Variants in MYL11 observed in about 807,000 individuals in gnomAD.
MYL11 encodes myosin regulatory light chain 11.
the MYL11 span, among the ~76,000 whole-genome samples, chr16:30,374,337 GGGTCTCA>G: frequency 6.6e-6 from 1 of 151,788 alleles, no homozygotes; most frequent in Non-Finnish European, 1.5e-5. Flanking sequence ...AGGGAGACAG[GGGTCTCA>G]CTATGTTGCC....
chr16:30,376,165 G>C, the MYL11 span: 2 of 1,614,036 alleles, frequency 1.2e-6, no homozygotes, highest in Non-Finnish European at 1.7e-6. Context: ...TGATCGACCA[G>C]AACCGTGATG....
At chr16:30,377,331 C>T in the MYL11 span, among the ~76,000 whole-genome samples, 1 of 152,096 alleles carries the variant, frequency 6.6e-6, no homozygotes, top group Non-Finnish European at 1.5e-5. Flanking sequence ...TGCAGTGAGC[C>T]GTGATCAAAC....
At chr16:30,377,412 G>A in the MYL11 span, among the ~76,000 whole-genome samples, 7 of 152,074 alleles carry the variant, frequency 4.6e-5, no homozygotes, top group Admixed American at 3.9e-4. Context: ...AAATTCCTAC[G>A]AAGGGTTAGG....
At chr16:30,376,064 C>A in the MYL11 span, 2 of 1,532,358 alleles carry the variant, frequency 1.3e-6, no homozygotes, top group South Asian at 1.2e-5. Context: ...TGGCTGAGAG[C>A]CAGCATCTGA....
the MYL11 span, chr16:30,377,467 G>GTT: frequency 1.9e-6 from 1 of 516,288 alleles, no homozygotes; most frequent in Non-Finnish European, 3.3e-6. Context: ...GTAATGGGCG[G>GTT]TAAGATTGCA....
the MYL11 span, chr16:30,377,860 G>C: frequency 1.2e-6 from 2 of 1,613,966 alleles, no homozygotes; most frequent in East Asian, 4.5e-5. Context: ...AAAAACATCT[G>C]CTACGTCATC....
chr16:30,377,701 A>T, the MYL11 span: 1 of 1,564,638 alleles, frequency 6.4e-7, no homozygotes, highest in Non-Finnish European at 8.7e-7. Flanking sequence ...TCCCAGGAGG[A>T]GGTGAGTGGG....
the MYL11 span, chr16:30,377,790 C>G: frequency 8.1e-6 from 13 of 1,613,720 alleles, no homozygotes; most frequent in South Asian, 1.3e-4. Context: ...CTACGTCTTT[C>G]CCCAGATCAA....
At chr16:30,377,541 A>T in the MYL11 span, 1 of 1,156,156 alleles carries the variant, frequency 8.6e-7, no homozygotes, top group African/African-American at 1.6e-5. Flanking sequence ...TGAAGGAAGT[A>T]GAGTGACCTG....
the MYL11 span, chr16:30,376,209 T>A: frequency 6.2e-7 from 1 of 1,613,908 alleles, no homozygotes; most frequent in South Asian, 1.1e-5. Context: ...CGGGACACCT[T>A]CGCAGCCATG....
the MYL11 span, chr16:30,375,782 TG>T: frequency 3.2e-3 from 4,887 of 1,545,930 alleles, 116 homozygotes; most frequent in African/African-American, 0.058. Flanking sequence ...GTGGAGGGAC[TG>T]GTCCATGGGC....
chr16:30,374,697 C>A, the MYL11 span: 1 of 782,750 alleles, frequency 1.3e-6, no homozygotes, highest in Non-Finnish European at 1.9e-6. Context: ...CTGAGTTGGG[C>A]TATTTTGGTA....
At chr16:30,373,614 T>G in the MYL11 span, among the ~76,000 whole-genome samples, 1 of 144,960 alleles carries the variant, frequency 6.9e-6, no homozygotes, top group South Asian at 2.2e-4. Context: ...AAAAAAAAAG[T>G]AGCTGGGCAT....
At chr16:30,377,856 A>G in the MYL11 span, 5 of 1,613,942 alleles carry the variant, frequency 3.1e-6, no homozygotes, top group Middle Eastern at 1.6e-4. Flanking sequence ...CTACAAAAAC[A>G]TCTGCTACGT....
chr16:30,376,069 A>G, the MYL11 span: 2 of 1,550,512 alleles, frequency 1.3e-6, no homozygotes, highest in East Asian at 2.2e-5. Context: ...GAGAGCCAGC[A>G]TCTGATCCTC....
At chr16:30,373,452 C>T in the MYL11 span, among the ~76,000 whole-genome samples, 9 of 152,110 alleles carry the variant, frequency 5.9e-5, no homozygotes, top group Non-Finnish European at 8.8e-5. Flanking sequence ...AAAAATTAGG[C>T]GGGCGTGGTG....
the MYL11 span, chr16:30,376,446 G>T: frequency 1.2e-6 from 2 of 1,613,880 alleles, no homozygotes; most frequent in Non-Finnish European, 1.7e-6. Context: ...GAAGAATGAG[G>T]AGTTGGATGC....
At chr16:30,375,011 G>A in the MYL11 span, 1 of 1,082,070 alleles carries the variant, frequency 9.2e-7, no homozygotes. Flanking sequence ...CAGACTGTGT[G>A]ATGGCCTAAA....
chr16:30,372,730 A>G, the MYL11 span: 3 of 147,276 alleles, frequency 2.0e-5, no homozygotes, highest in Admixed American at 1.4e-4. Flanking sequence ...TTCTAGACTC[A>G]TACTAGATCA....
Sources: gnomAD v4.1 joint callset for allele counts (sites outside exome capture counted in the v4.1 genomes callset) on GRCh38, gnomAD v4.1.1 for gene constraint, MANE v1.5 for transcripts, NCBI Gene and HGNC (gene_info 2026-07-23, HGNC 2026-07-21) for gene names.